Variants in RFX4 observed in about 807,000 individuals in gnomAD.
The protein encoded by RFX4 is regulatory factor X4.
A neutral mutation model predicts 95.0 loss-of-function variants in RFX4; 10 were observed. The ratio of observed to expected loss-of-function variants is 0.11; its 90% CI spans 0.06 to 0.18. The LOEUF (loss-of-function observed/expected upper bound fraction) is 0.18, where lower values mean the gene tolerates loss of function less well. Among genes scored for constraint, RFX4 ranks in the 10% least tolerant of loss-of-function variants. The pLI is 1.00. For missense variants in RFX4, 640 were observed against 922.0 expected, an observed-to-expected ratio of 0.69 and a Z score of 3.96; for synonymous variants, 321 against 340.7, an observed-to-expected ratio of 0.94 and a Z score of 0.64.
In RFX4 at chr12:106,586,063, G is replaced by T. The variant is rs1297085296; in HGVS notation, c.43+2700G>T. On this transcript the variant is annotated intron_variant, in intron 1 of 17. Coordinates refer to ENST00000392842, the MANE Select transcript of RFX4 (RefSeq NM_213594.3). The surrounding 1 kb of genome is among the most constrained non-coding windows in gnomAD (Gnocchi z 5.6). ...GGTCGGGGGAAGCTGGGCAGCCGGC[G>T]CGCGCCTCCTGGGCCCTAGGCGCTC... 1 of 152,224 alleles carries T rather than the reference G, an allele frequency of 6.6e-6. No homozygotes were observed. The highest frequency in any genetic ancestry group is 6.5e-5 in the Admixed American group (1 of 15,286). 9.4% of individuals were successfully genotyped at this position (152,224 alleles called of 1,614,324 possible).
At chr12:106,600,622 A>G (rs1040934685) in intron 1 of RFX4, among the ~76,000 whole-genome samples, 1 of 152,170 alleles carries the variant, frequency 6.6e-6, no homozygotes, top group Non-Finnish European at 1.5e-5. Flanking sequence ...ACCTGTTTAA[A>G]GTCCTCCAAT....
intron 16 of RFX4, among the ~76,000 whole-genome samples, chr12:106,750,075 C>T (rs944490091): frequency 4.6e-5 from 7 of 152,096 alleles, no homozygotes; most frequent in Admixed American, 4.6e-4. Context: ...TCCCTGAACG[C>T]TGGCTGGGGG....
At chr12:106,749,187 C>T (rs766013405) in intron 16 of RFX4, among the ~76,000 whole-genome samples, 9 of 141,398 alleles carry the variant, frequency 6.4e-5, no homozygotes, top group Non-Finnish European at 9.0e-5. Context: ...ACCCAGGAGG[C>T]GGAGGTTGCA....
intron 5 of RFX4, among the ~76,000 whole-genome samples, chr12:106,684,346 G>A (rs1592935711): frequency 6.6e-6 from 1 of 152,168 alleles, no homozygotes; most frequent in East Asian, 1.9e-4. Flanking sequence ...CAGCCAGGGT[G>A]ACAGAGCGAG....
At chr12:106,677,676 C>T (rs552698819) in intron 4 of RFX4, among the ~76,000 whole-genome samples, 3 of 152,086 alleles carry the variant, frequency 2.0e-5, no homozygotes, top group Non-Finnish European at 4.4e-5. Flanking sequence ...ACCACTACTC[C>T]AGCCTGGTCA....
At chr12:106,666,350 A>G (rs2041176286) in intron 4 of RFX4, among the ~76,000 whole-genome samples, 2 of 152,156 alleles carry the variant, frequency 1.3e-5, no homozygotes, top group Middle Eastern at 3.4e-3. Context: ...TGAAAATGAT[A>G]TACCTTGATG....
chr12:106,614,137 T>A (rs2040018794), intron 2 of RFX4, among the ~76,000 whole-genome samples: 1 of 152,210 alleles, frequency 6.6e-6, no homozygotes, highest in Non-Finnish European at 1.5e-5. Flanking sequence ...CATTAGACAT[T>A]TGTATCTTTT....
At chr12:106,654,835 G>GAGCT (rs2137321185) in intron 4 of RFX4, among the ~76,000 whole-genome samples, 1 of 152,244 alleles carries the variant, frequency 6.6e-6, no homozygotes, top group East Asian at 1.9e-4. Flanking sequence ...TCCACATTTA[G>GAGCT]AGCTATGTCT....
intron 17 of RFX4, among the ~76,000 whole-genome samples, chr12:106,757,929 G>A (rs2043138459): frequency 6.6e-6 from 1 of 152,244 alleles, no homozygotes; most frequent in South Asian, 2.1e-4. Flanking sequence ...ACGTTGGACT[G>A]TGTGTGCAGG....
intron 11 of RFX4, among the ~76,000 whole-genome samples, chr12:106,718,512 T>C (rs956817748): frequency 2.6e-5 from 4 of 152,222 alleles, no homozygotes; most frequent in African/African-American, 9.7e-5. Flanking sequence ...CGTACCAACC[T>C]CCATGGGTTG....
chr12:106,624,662 G>C (rs2040254852), intron 2 of RFX4, among the ~76,000 whole-genome samples: 1 of 152,092 alleles, frequency 6.6e-6, no homozygotes, highest in African/African-American at 2.4e-5. Flanking sequence ...GTGTTGGGCG[G>C]GGCGGAGGGG....
At chr12:106,619,515 T>C (rs780133383) in intron 2 of RFX4, among the ~76,000 whole-genome samples, 10 of 152,280 alleles carry the variant, frequency 6.6e-5, no homozygotes, top group Admixed American at 1.3e-4. Flanking sequence ...GGTTTAAAAA[T>C]TTTTTCATTG....
chr12:106,746,479 G>C (rs1053293060), intron 15 of RFX4, among the ~76,000 whole-genome samples: 12 of 151,750 alleles, frequency 7.9e-5, no homozygotes, highest in Non-Finnish European at 1.5e-4. Context: ...CTGCAGTGAG[G>C]GCCATGATCA....
At chr12:106,593,915 T>C (rs2039580357) in intron 1 of RFX4, among the ~76,000 whole-genome samples, 1 of 152,220 alleles carries the variant, frequency 6.6e-6, no homozygotes, top group African/African-American at 2.4e-5. Context: ...CAAACCTATT[T>C]ATGGTGGAAC....
intron 2 of RFX4, among the ~76,000 whole-genome samples, chr12:106,634,857 G>GT (rs1217204667): frequency 6.6e-6 from 1 of 152,124 alleles, no homozygotes; most frequent in East Asian, 1.9e-4. Flanking sequence ...CGACTCCTCT[G>GT]TGCCTACCTG....
Position 106,747,615 on chromosome 12 carries a change from G to A in RFX4, c.1796+16G>A, listed in dbSNP as rs779143426. 2 of 1,611,428 alleles carry A rather than the reference G, an allele frequency of 1.2e-6. No homozygotes were observed. The highest frequency in any genetic ancestry group is 8.5e-7 in the Non-Finnish European group (1 of 1,178,190). On this transcript the variant is annotated intron_variant, in intron 16 of 17. Coordinates refer to ENST00000392842, the MANE Select transcript of RFX4 (RefSeq NM_213594.3). ...AGGAACATGGGTAGGTAACTTTCCA[G>A]GGATGCTGCTGGACTTTTAAAATTT...
At chr12:106,721,021 G>T in intron 13 of RFX4, 145 bp downstream of exon 13, 1 of 692,646 alleles carries the variant, frequency 1.4e-6, no homozygotes. Context: ...GACATTGTTA[G>T]GACTTTCAGG....
chr12:106,691,556 A>T (rs2041783880), intron 7 of RFX4, among the ~76,000 whole-genome samples: 2 of 152,208 alleles, frequency 1.3e-5, no homozygotes, highest in South Asian at 4.1e-4. Flanking sequence ...TGGATGGTGG[A>T]TGTATCTGGT....
At chr12:106,694,471 A>G (rs1158916323) in intron 7 of RFX4, among the ~76,000 whole-genome samples, 1 of 152,172 alleles carries the variant, frequency 6.6e-6, no homozygotes, top group Non-Finnish European at 1.5e-5. Flanking sequence ...GCAGGGGCAG[A>G]AAGCTGGGAA....
Sources: gnomAD v4.1 joint callset for allele counts (sites outside exome capture counted in the v4.1 genomes callset) on GRCh38, gnomAD v4.1.1 for gene constraint, Gnocchi (gnomAD v3.1) non-coding constraint, MANE v1.5 for transcripts, NCBI Gene and HGNC (gene_info 2026-07-23, HGNC 2026-07-21) for gene names.